Variants in PCDHGB2 observed in about 807,000 individuals in gnomAD.
PCDHGB2 encodes protocadherin gamma subfamily B, 2, also known as protocadherin gamma-B2.
PCDHGB2 carries 55 observed loss-of-function variants against 59.3 expected under a neutral mutation model. The observed-to-expected ratio is 0.93, with a 90% confidence interval of 0.75 to 1.16. PCDHGB2 has a LOEUF of 1.16. Among genes scored for constraint, PCDHGB2 ranks in the 50% most tolerant of loss-of-function variants. The pLI is 0.00. For synonymous variants in PCDHGB2, 516 were observed against 512.0 expected (o/e 1.01, Z -0.11); for missense variants, 1,228 against 1,198.5 (o/e 1.02, Z -0.36).
intron 1 of PCDHGB2, among the ~76,000 whole-genome samples, chr5:141,433,653 T>C (rs1030084681): frequency 6.6e-6 from 1 of 152,024 alleles, no homozygotes; most frequent in Non-Finnish European, 1.5e-5. Flanking sequence ...CTGACCAACA[T>C]GGAGAAACCC....
rs1025291723 is a variant in PCDHGB2 at position 141,360,877 on chromosome 5, A to T, written c.742A>T (p.Arg248Trp). 6.2e-7 allele frequency: 1 copy of T among 1,613,942 alleles called. No individual in the cohort carries two copies. Among genetic ancestry groups the T allele is most frequent in the Non-Finnish European group, 8.5e-7 (1 of 1,179,920 alleles). Residue 248 changes from arginine (R) to tryptophan (W), a missense_variant, in exon 1 of 4, where the codon AGG (arginine) becomes TGG (tryptophan). Coordinates refer to ENST00000522605, the MANE Select transcript of PCDHGB2 (RefSeq NM_018923.3). ...TCCAGTGTTCAGCCAGGACGTGTAC[A>T]GGGTCACCCTGAGGGAGGACGTGCC... ...NPPVFSQDVY[R>W]VTLREDVPPG...
intron 1 of PCDHGB2, among the ~76,000 whole-genome samples, chr5:141,492,170 C>A (rs1383768075): frequency 6.6e-6 from 1 of 152,226 alleles, no homozygotes; most frequent in Non-Finnish European, 1.5e-5. Context: ...ATCCCCGCAT[C>A]ACCCAACCGC....
At chr5:141,396,952 A>G (rs2093458879) in intron 1 of PCDHGB2, among the ~76,000 whole-genome samples, 1 of 152,196 alleles carries the variant, frequency 6.6e-6, no homozygotes, top group African/African-American at 2.4e-5. Context: ...AGGAAAGAAA[A>G]TCCTTACTCT....
chr5:141,432,685 C>T lies in PCDHGB2; in HGVS notation c.2422-62122C>T, dbSNP rs1561863583. 1 of 1,613,932 alleles carries T rather than the reference C, an allele frequency of 6.2e-7. No individual in the cohort carries two copies. The highest frequency in any genetic ancestry group is 1.7e-5 in the Admixed American group (1 of 60,020). ...ACAGAGACGCGCTCAAGCAGAGCCT[C>T]GTAGTGGCCGTCCAGGACCACGGCC... On this transcript the variant is annotated intron_variant, in intron 1 of 3. Coordinates refer to ENST00000522605, the MANE Select transcript of PCDHGB2 (RefSeq NM_018923.3). This position sits in a 1 kb window ranked among gnomAD's most constrained non-coding sequence, Gnocchi z 6.0.
intron 2 of PCDHGB2, 76 bp from the exon 3 acceptor site, chr5:141,505,317 G>T: frequency 6.2e-7 from 1 of 1,603,092 alleles, no homozygotes. Flanking sequence ...AGGTTTGGGA[G>T]CCCTGGGAGA....
At chr5:141,509,077 C>A (rs1371396735) in intron 3 of PCDHGB2, among the ~76,000 whole-genome samples, 3 of 152,242 alleles carry the variant, frequency 2.0e-5, no homozygotes, top group Admixed American at 2.0e-4. Flanking sequence ...CGGGGATTTG[C>A]GACATGAAAT....
At chr5:141,406,436 T>C (rs1207276044) in intron 1 of PCDHGB2, among the ~76,000 whole-genome samples, 3 of 152,234 alleles carry the variant, frequency 2.0e-5, no homozygotes, top group Non-Finnish European at 4.4e-5. Context: ...TTGCTTCTAT[T>C]CTTCCATTTC....
chr5:141,511,267 C>G lies in PCDHGB2; in HGVS notation c.*94C>G. The G allele has an allele frequency of 6.5e-7, 1 of 1,549,404 alleles. No homozygotes were observed. The highest frequency in any genetic ancestry group is 8.7e-7 in the Non-Finnish European group (1 of 1,146,836). On this transcript the variant is annotated 3_prime_UTR_variant, in exon 4 of 4. Coordinates refer to ENST00000522605, the MANE Select transcript of PCDHGB2 (RefSeq NM_018923.3). Reference sequence around the variant, plus strand: ...CCAGGCCTCAGAGTTTCAGGGCTAACCCCCAGAATACTGGTAGGGGCCAAG... The same window carrying G: ...CCAGGCCTCAGAGTTTCAGGGCTAAGCCCCAGAATACTGGTAGGGGCCAAG...
intron 1 of PCDHGB2, chr5:141,394,620 T>A: frequency 6.2e-7 from 1 of 1,613,124 alleles, no homozygotes; most frequent in Non-Finnish European, 8.5e-7. Context: ...CCAGAACGCC[T>A]GGCTGTCCTA....
chr5:141,405,032 G>T lies in PCDHGB2; in HGVS notation c.2421+42476G>T, dbSNP rs747720731. On this transcript the variant is annotated intron_variant, in intron 1 of 3. Coordinates refer to ENST00000522605, the MANE Select transcript of PCDHGB2 (RefSeq NM_018923.3). Reference sequence around the variant, plus strand: ...GGCCTCAGACCTTACCCTCTACCTCGTTGTGGCTGTGGCAGTCGTCTCCTG... The same window carrying T: ...GGCCTCAGACCTTACCCTCTACCTCTTTGTGGCTGTGGCAGTCGTCTCCTG... The T allele has an allele frequency of 1.9e-6, 3 of 1,613,806 alleles. No homozygotes were observed. Among genetic ancestry groups the T allele is most frequent in the Admixed American group, 3.3e-5 (2 of 59,992 alleles).
chr5:141,478,399 T>C, intron 1 of PCDHGB2: 1 of 1,613,514 alleles, frequency 6.2e-7, no homozygotes, highest in South Asian at 1.1e-5. Flanking sequence ...ATCAGGTGTA[T>C]CTCACCACGG....
intron 1 of PCDHGB2, among the ~76,000 whole-genome samples, chr5:141,405,770 G>C (rs989163026): frequency 1.3e-5 from 2 of 152,032 alleles, no homozygotes; most frequent in East Asian, 3.9e-4. Context: ...GAGCCACTGC[G>C]CCTGGCCCTT....
chr5:141,430,255 T>TC (rs11167746), intron 1 of PCDHGB2, among the ~76,000 whole-genome samples: 81,857 of 151,872 alleles, frequency 0.54, 24,107 homozygotes, highest in African/African-American at 0.79. Flanking sequence ...GGGAGACATC[T>TC]CCATAATAGG....
In PCDHGB2 at chr5:141,476,585, G is replaced by C; in HGVS notation, c.2422-18222G>C. 6.2e-7 allele frequency: 1 copy of C among 1,614,214 alleles called. No homozygotes were observed. The highest frequency in any genetic ancestry group is 8.5e-7 in the Non-Finnish European group (1 of 1,180,040). On this transcript the variant is annotated intron_variant, in intron 1 of 3. Coordinates refer to ENST00000522605, the MANE Select transcript of PCDHGB2 (RefSeq NM_018923.3). The surrounding 1 kb of genome is among the most constrained non-coding windows in gnomAD (Gnocchi z 7.6). ...GGCTCCGGGGACGCGCTTTCCGCTC[G>C]AGAGCGCGCACGATCCCGATGTGGG...
At chr5:141,469,408 C>A (rs765861544) in intron 1 of PCDHGB2, among the ~76,000 whole-genome samples, 20 of 152,008 alleles carry the variant, frequency 1.3e-4, no homozygotes, top group Non-Finnish European at 2.6e-4. Flanking sequence ...AACCCCGTTT[C>A]TACTAAAAAT....
chr5:141,399,448 G>A (rs1272959259), intron 1 of PCDHGB2: 5 of 1,613,872 alleles, frequency 3.1e-6, no homozygotes, highest in Non-Finnish European at 4.2e-6. Flanking sequence ...TATCAGAGAC[G>A]TCAACGATAA....
intron 1 of PCDHGB2, chr5:141,427,723 G>T: frequency 8.9e-7 from 1 of 1,127,490 alleles, no homozygotes; most frequent in East Asian, 2.4e-5. Flanking sequence ...CTGGACCTAG[G>T]GCTGAATGGC....
intron 1 of PCDHGB2, chr5:141,478,874 A>G: frequency 1.6e-6 from 2 of 1,276,696 alleles, no homozygotes; most frequent in Non-Finnish European, 2.1e-6. Flanking sequence ...ATCAGAGTTT[A>G]GCTTGGTATC....
chr5:141,396,628 A>G (rs1384822433), intron 1 of PCDHGB2: 2 of 152,210 alleles, frequency 1.3e-5, no homozygotes, highest in Non-Finnish European at 2.9e-5. Flanking sequence ...TCAAAAAAAA[A>G]AAAAACTAAT....
Sources: allele counts gnomAD v4.1 joint callset (sites outside exome capture counted in the v4.1 genomes callset), GRCh38; gene constraint gnomAD v4.1.1; non-coding constraint Gnocchi (gnomAD v3.1); transcripts MANE v1.5; gene names NCBI Gene and HGNC (gene_info 2026-07-23, HGNC 2026-07-21).